The following ZNF561 variants were observed in gnomAD, a reference collection of about 807,000 sequenced individuals.
ZNF561 encodes the protein zinc finger protein 561.
In ZNF561, 16 loss-of-function variants were observed where a neutral mutation model predicts 16.7. The ratio of observed to expected loss-of-function variants is 0.96; its 90% CI spans 0.65 to 1.45. ZNF561 has a LOEUF of 1.45. Ranked by LOEUF, ZNF561 falls within the 40% of genes most tolerant of loss-of-function variation. The pLI is 0.00. For missense variants in ZNF561, 580 were observed against 578.0 expected, an observed-to-expected ratio of 1.00 and a Z score of -0.04; for synonymous variants, 190 against 192.1, an observed-to-expected ratio of 0.99 and a Z score of 0.09.
At chr19:9,611,744 A>G (rs558299810) in intron 5 of ZNF561, among the ~76,000 whole-genome samples, 1 of 151,444 alleles carries the variant, frequency 6.6e-6, no homozygotes, top group East Asian at 2.0e-4. Context: ...CACACCCAGT[A>G]TGTTTCACTT....
In ZNF561 at chr19:9,617,743, A is replaced by T. The variant is rs1450512376; in HGVS notation, c.114+348T>A. 6.5e-6 allele frequency: 3 copies of T among 459,024 alleles called. No individual in the cohort carries two copies. In the Admixed American group the frequency reaches 7.0e-5, roughly 11 times the overall value. 28.4% of individuals were successfully genotyped at this position (459,024 alleles called of 1,614,324 possible). ...TTGGTGTCTATGCAGCACACTCCTC[A>T]GCACACTGCAGATACCTGATAAATG... On this transcript the variant is annotated intron_variant, in intron 3 of 5. Transcript: ENST00000302851.
In ZNF561 at chr19:9,608,653, G is replaced by T. The variant is rs977779102; in HGVS notation, c.*1547C>A. On this transcript the variant is annotated 3_prime_UTR_variant, in exon 6 of 6. Transcript: ENST00000302851. ...GCAAGCTGGAAGTAAGGTTGGTAAG[G>T]GTGATCCTGGTGAGGTGTCATTGGG... 1 of 152,128 alleles carries T rather than the reference G, an allele frequency of 6.6e-6. No individual in the cohort carries two copies. The highest frequency in any genetic ancestry group is 1.5e-5 in the Non-Finnish European group (1 of 68,020). The allele number at this position is 152,128 out of a possible 1,614,324, so 9.4% of individuals were successfully genotyped here.
At chr19:9,615,768 AAAT>A (rs1022852455) in intron 4 of ZNF561, among the ~76,000 whole-genome samples, 2 of 149,552 alleles carry the variant, frequency 1.3e-5, no homozygotes, top group Non-Finnish European at 3.0e-5. Flanking sequence ...AAAAAAAAAA[AAAT>A]TTAACTGGGC....
intron 1 of ZNF561, among the ~76,000 whole-genome samples, chr19:9,620,397 T>C (rs1353680287): frequency 6.6e-6 from 1 of 152,200 alleles, no homozygotes. Context: ...GCTAATTTTT[T>C]GTAGTTTTAG....
intron 1 of ZNF561, among the ~76,000 whole-genome samples, chr19:9,619,899 A>ATCTATATCTATCC (rs1555692379): frequency 1.1e-5 from 1 of 94,632 alleles, no homozygotes; most frequent in African/African-American, 5.6e-5. Flanking sequence ...ATATCTATCT[A>ATCTATATCTATCC]TATCTATCTA....
Position 9,619,871 on chromosome 19 carries a change from C to CTATATCTATCTATCTA in ZNF561, c.-126-305_-126-290dup, listed in dbSNP as rs1184889719. ...TCTATATCTATCTATATTTATCTAT[C>CTATATCTATCTATCTA]TATATCTATCTATCTATATATCTAT... is the stretch of plus-strand genomic sequence containing the variant. On this transcript the variant is annotated intron_variant, in intron 1 of 5. Coordinates refer to ENST00000302851, the MANE Select transcript of ZNF561 (RefSeq NM_152289.3). Among the ~76,000 whole-genome samples the CTATATCTATCTATCTA allele has an allele frequency of 4.5e-5, 4 of 89,436 alleles. No homozygotes were observed. The South Asian group carries it at 1.6e-3, about 36-fold the overall frequency. The allele number at this position is 89,436 out of a possible 152,430, so 58.7% of individuals were successfully genotyped here.
At chr19:9,616,333 G>GT (rs1445214792) in intron 4 of ZNF561, among the ~76,000 whole-genome samples, 3 of 152,142 alleles carry the variant, frequency 2.0e-5, no homozygotes, top group African/African-American at 7.2e-5. Context: ...CCCGGCAGGA[G>GT]TGCAGTGGCG....
Position 9,608,811 on chromosome 19 carries a change from A to G in ZNF561, c.*1389T>C, listed in dbSNP as rs1181136149. The G allele has an allele frequency of 3.3e-5, 5 of 152,232 alleles. No individual in the cohort carries two copies. The highest frequency in any genetic ancestry group is 5.9e-5 in the Non-Finnish European group (4 of 68,042). The allele number at this position is 152,232 out of a possible 1,614,324, so 9.4% of individuals were successfully genotyped here. The stretch of plus-strand genomic sequence containing the variant: ...AGAGAGATAAAACTGGTTATGTATC[A>G]CTAAGATCTGTACTTAAAGTGTTAA... On this transcript the variant is annotated 3_prime_UTR_variant, in exon 6 of 6. Transcript: ENST00000302851.
At chr19:9,612,915 TCCCC>T in intron 5 of ZNF561, among the ~76,000 whole-genome samples, 1 of 152,176 alleles carries the variant, frequency 6.6e-6, no homozygotes, top group South Asian at 2.1e-4. Context: ...CCTGCCTCAG[TCCCC>T]CAAGGAGCTT....
rs958954781 is a variant in ZNF561, at chr19:9,618,074, G to A, written c.114+17C>T. ...TGAAAGCATATCATTTTTAACAACA[G>A]TACGTTTTCTGCTTACCTGATAACC... On this transcript the variant is annotated intron_variant, in intron 3 of 5. Coordinates refer to ENST00000302851, the MANE Select transcript of ZNF561 (RefSeq NM_152289.3). 1.9e-6 allele frequency: 3 copies of A among 1,545,782 alleles called. No individual in the cohort carries two copies. Among genetic ancestry groups the A allele is most frequent in the African/African-American group, 1.4e-5 (1 of 72,892 alleles).
Position 9,611,332 on chromosome 19 carries a change from CTT to C in ZNF561, c.327_328del (p.Gly111LeufsTer8). ...ACAGAGTTTCCATCCACTGTAGCCT[CTT>C]GTCTGTTGATGACGAGATAAAGGTT... On this transcript the variant is annotated frameshift_variant and splice_region_variant, in exon 6 of 6. Transcript: ENST00000302851. LOFTEE classifies it low-confidence loss of function (END_TRUNC). 1.9e-6 allele frequency: 3 copies of C among 1,605,180 alleles called. No homozygotes were observed. Among genetic ancestry groups the C allele is most frequent in the South Asian group, 1.1e-5 (1 of 90,530 alleles).
In ZNF561 at chr19:9,614,096, T is replaced by C. The variant is rs1483855285; in HGVS notation, c.249A>G (p.Glu83=). Residue 83 remains glutamate (E), a synonymous_variant, in exon 5 of 6, where the codon GAA becomes GAG. Coordinates refer to ENST00000302851, the MANE Select transcript of ZNF561 (RefSeq NM_152289.3). ...NYMNLASVEW[E]IQPRTKRSSL... is the part of the protein sequence containing the mutation. The stretch of plus-strand genomic sequence containing the variant: ...ATGACCGTTTGGTTCTAGGTTGTAT[T>C]TCCCATTCTAAAGTTAAGCAGAAAA... The C allele has an allele frequency of 1.5e-5, 24 of 1,614,046 alleles. No individual in the cohort carries two copies. The highest frequency in any genetic ancestry group is 1.6e-4 in the Middle Eastern group (1 of 6,062).
intron 2 of ZNF561, 25 bp from the exon 3 acceptor site, chr19:9,618,204 A>C (rs1313134652): frequency 6.5e-7 from 1 of 1,541,220 alleles, no homozygotes; most frequent in East Asian, 2.5e-5. Context: ...AGAAGGCATG[A>C]GAAGCCAGAG....
At position 9,610,484 on chromosome 19, in the gene ZNF561, A is replaced by G; in HGVS notation, c.1177T>C (p.Tyr393His). ...HTRIHTGEKP[Y>H]ECVECGKTFI... ...GTCTTCCCACATTCAACACATTCAT[A>G]AGGCTTCTCTCCTGTGTGAATTCTT... The change falls in exon 6 of 6, where the codon TAT becomes CAT. Residue 393 changes from tyrosine (Y) to histidine (H), a missense_variant. Tyr to His is a moderately conservative substitution (Grantham distance 83, BLOSUM62 2). Coordinates refer to ENST00000302851, the MANE Select transcript of ZNF561 (RefSeq NM_152289.3). The G allele has an allele frequency of 6.2e-7, 1 of 1,613,288 alleles. No individual in the cohort carries two copies. The highest frequency in any genetic ancestry group is 8.5e-7 in the Non-Finnish European group (1 of 1,179,332).
At chr19:9,614,613 A>G (rs1478258376) in intron 4 of ZNF561, among the ~76,000 whole-genome samples, 1 of 152,206 alleles carries the variant, frequency 6.6e-6, no homozygotes, top group Non-Finnish European at 1.5e-5. Flanking sequence ...AAAGAAAAGA[A>G]AATTAAAGCT....
intron 5 of ZNF561, among the ~76,000 whole-genome samples, chr19:9,613,591 TC>T (rs747362492): frequency 1.3e-5 from 2 of 152,106 alleles, no homozygotes; most frequent in Non-Finnish European, 2.9e-5. Context: ...CAATCTCAGC[TC>T]ATTGCAACCT....
chr19:9,619,351 A>G (rs1449190325), intron 2 of ZNF561, 81 bp downstream of exon 2: 2 of 1,434,834 alleles, frequency 1.4e-6, no homozygotes, highest in Middle Eastern at 1.8e-4. Flanking sequence ...ATGCCTGCTC[A>G]GGCTCAGCTC....
Position 9,609,609 on chromosome 19 carries a change from GAA to G in ZNF561, c.*589_*590del, listed in dbSNP as rs1372428093. 2 of 152,872 alleles carry G rather than the reference GAA, an allele frequency of 1.3e-5. No individual in the cohort carries two copies. Among genetic ancestry groups the G allele is most frequent in the East Asian group, 3.9e-4 (2 of 5,178 alleles). 9.5% of individuals were successfully genotyped at this position (152,872 alleles called of 1,614,324 possible). A position where few individuals can be genotyped will look rare whatever the true frequency, so the allele number is the denominator to read the frequency against. ...TGAGAAGAGAGACTGGATTATACTAGAAGAGACATTGCCACTTACATTGTGCC... is the reference window on the plus strand; with the variant it reads ...TGAGAAGAGAGACTGGATTATACTAGGAGACATTGCCACTTACATTGTGCC... On this transcript the variant is annotated 3_prime_UTR_variant, in exon 6 of 6. Transcript: ENST00000302851.
At position 9,610,262 on chromosome 19, in the gene ZNF561, G is replaced by T. The variant is rs754455415; in HGVS notation, c.1399C>A (p.His467Asn). ...AFAVSSRLSR[H>N]ERIHTGEKPY... ...TTCTCCCCAGTGTGAATTCTTTCAT[G>T]TCTACTTAGGCGTGAGGAAACAGCA... is the stretch of plus-strand genomic sequence containing the variant. The change falls in exon 6 of 6, where the codon CAT becomes AAT. Residue 467 changes from histidine to asparagine, a missense_variant. Transcript: ENST00000302851. 5 of 1,613,372 alleles carry T rather than the reference G, an allele frequency of 3.1e-6. No individual in the cohort carries two copies. The highest frequency in any genetic ancestry group is 4.2e-6 in the Non-Finnish European group (5 of 1,179,596).
Sources: gnomAD v4.1 joint callset for allele counts (sites outside exome capture counted in the v4.1 genomes callset) on GRCh38, gnomAD v4.1.1 for gene constraint, MANE v1.5 for transcripts, NCBI Gene and HGNC (gene_info 2026-07-23, HGNC 2026-07-21) for gene names.